SBF2: variants seen among roughly 807,000 people sequenced by gnomAD.
SBF2 encodes the protein myotubularin-related protein 13.
A neutral mutation model predicts 225.2 loss-of-function variants in SBF2; 112 were observed. That is an observed-to-expected ratio of 0.50 (90% CI 0.43 to 0.58). The LOEUF (loss-of-function observed/expected upper bound fraction) is 0.58, where lower values mean the gene tolerates loss of function less well. Among genes scored for constraint, SBF2 ranks in the 20% least tolerant of loss-of-function variants. The pLI, the probability that SBF2 is intolerant of heterozygous loss-of-function variation, is 0.00. For synonymous variants in SBF2, 763 were observed against 773.3 expected (o/e 0.99, Z 0.22); for missense variants, 1,996 against 2,206.2 (o/e 0.90, Z 1.91).
intron 16 of SBF2, among the ~76,000 whole-genome samples, chr11:9,904,579 T>A (rs528886042): frequency 6.6e-6 from 1 of 152,276 alleles, no homozygotes; most frequent in East Asian, 1.9e-4. Context: ...TATTGAAGAT[T>A]AAAAGAAATA....
At chr11:10,174,257 C>T (rs1216626437) in intron 2 of SBF2, among the ~76,000 whole-genome samples, 4 of 152,098 alleles carry the variant, frequency 2.6e-5, no homozygotes, top group African/African-American at 9.7e-5. Flanking sequence ...AAGTTGAAAA[C>T]TGTGAAAAAA....
chr11:10,266,440 C>T (rs781477643), intron 1 of SBF2, among the ~76,000 whole-genome samples: 17 of 152,142 alleles, frequency 1.1e-4, no homozygotes, highest in African/African-American at 3.9e-4. Flanking sequence ...AGGCTAGATA[C>T]GGGTAAATGC....
At chr11:9,955,102 G>A (rs563630385) in intron 16 of SBF2, among the ~76,000 whole-genome samples, 3 of 151,892 alleles carry the variant, frequency 2.0e-5, no homozygotes, top group South Asian at 4.2e-4. Context: ...AAAAACTGAG[G>A]ACTTTTTTCA....
At chr11:9,888,572 T>G (rs958371348) in intron 17 of SBF2, among the ~76,000 whole-genome samples, 1 of 151,666 alleles carries the variant, frequency 6.6e-6, no homozygotes, top group Non-Finnish European at 1.5e-5. Flanking sequence ...GATTAAAGGG[T>G]AAACCATAAC....
At chr11:9,845,814 A>G (rs1437352780) in intron 23 of SBF2, 74 bp from the exon 24 acceptor site, 2 of 1,390,250 alleles carry the variant, frequency 1.4e-6, no homozygotes, top group Non-Finnish European at 2.0e-6. Flanking sequence ...ACAACAGAAT[A>G]TAATAACACA....
At chr11:10,263,375 G>C (rs1471936175) in intron 1 of SBF2, among the ~76,000 whole-genome samples, 1 of 151,916 alleles carries the variant, frequency 6.6e-6, no homozygotes, top group Non-Finnish European at 1.5e-5. Flanking sequence ...CATAATGCTG[G>C]AAGAAACCAC....
intron 32 of SBF2, among the ~76,000 whole-genome samples, chr11:9,800,642 C>T (rs972690221): frequency 6.6e-6 from 1 of 152,096 alleles, no homozygotes; most frequent in Non-Finnish European, 1.5e-5. Flanking sequence ...CTCCTGACCT[C>T]GTGATCTGCC....
rs1456541370 is a variant in SBF2 at position 10,031,180 on chromosome 11, G to A, written c.280-10C>T. On this transcript the variant is annotated splice_polypyrimidine_tract_variant and intron_variant, in intron 3 of 39. Transcript: ENST00000256190. Reference sequence around the variant, plus strand: ...CTTCCTTCTTTGTTCCCTAGAAAAAGAGACACTGAAATCAACAAACAGAAG... The same window carrying A: ...CTTCCTTCTTTGTTCCCTAGAAAAAAAGACACTGAAATCAACAAACAGAAG... 4 of 1,612,756 alleles carry A rather than the reference G, an allele frequency of 2.5e-6. No homozygotes were observed. The South Asian group carries it at 3.3e-5, about 13-fold the overall frequency.
At chr11:10,002,007 A>G (rs1230334082) in intron 7 of SBF2, among the ~76,000 whole-genome samples, 1 of 152,104 alleles carries the variant, frequency 6.6e-6, no homozygotes, top group Non-Finnish European at 1.5e-5. Flanking sequence ...TTATTAGGAA[A>G]AAAATTTTAA....
chr11:10,175,159 C>A (rs1591136938), intron 2 of SBF2, among the ~76,000 whole-genome samples: 1 of 149,116 alleles, frequency 6.7e-6, no homozygotes, highest in Non-Finnish European at 1.5e-5. Flanking sequence ...TCACACATAA[C>A]AATATTAACT....
intron 17 of SBF2, among the ~76,000 whole-genome samples, chr11:9,869,884 AT>A (rs1398784461): frequency 6.6e-6 from 1 of 152,216 alleles, no homozygotes; most frequent in East Asian, 1.9e-4. Flanking sequence ...AATAAAGAGT[AT>A]TCAAATAGAA....
chr11:10,113,779 G>A (rs564760233), intron 2 of SBF2, among the ~76,000 whole-genome samples: 33 of 147,596 alleles, frequency 2.2e-4, no homozygotes, highest in African/African-American at 8.0e-4. Context: ...TGAGACTGGT[G>A]TTTCTCTTAC....
chr11:9,881,362 T>C (rs565047025), intron 17 of SBF2, among the ~76,000 whole-genome samples: 1 of 152,254 alleles, frequency 6.6e-6, no homozygotes, highest in East Asian at 1.9e-4. Context: ...CTATCACATA[T>C]GAGGCTCAAA....
intron 21 of SBF2, among the ~76,000 whole-genome samples, chr11:9,851,715 T>C (rs1317710306): frequency 6.6e-6 from 1 of 152,342 alleles, no homozygotes; most frequent in East Asian, 1.9e-4. Flanking sequence ...GATAGAATTA[T>C]ATTCCTACCT....
At chr11:10,005,238 A>C (rs568056774) in intron 6 of SBF2, among the ~76,000 whole-genome samples, 1 of 152,162 alleles carries the variant, frequency 6.6e-6, no homozygotes. Context: ...TAACTGGTAT[A>C]TGACCCTCTA....
At chr11:10,230,719 C>G (rs571330560) in intron 1 of SBF2, among the ~76,000 whole-genome samples, 4 of 152,282 alleles carry the variant, frequency 2.6e-5, no homozygotes, top group East Asian at 1.9e-4. Context: ...GGTAACCCGA[C>G]CTTTCTCTCT....
At chr11:9,915,250 G>A (rs993517669) in intron 16 of SBF2, among the ~76,000 whole-genome samples, 2 of 151,922 alleles carry the variant, frequency 1.3e-5, no homozygotes, top group East Asian at 1.9e-4. Context: ...AGATTGAGAC[G>A]GTCCTGGCCA....
At chr11:10,008,077 GCT>G (rs1948276915) in intron 6 of SBF2, among the ~76,000 whole-genome samples, 1 of 152,184 alleles carries the variant, frequency 6.6e-6, no homozygotes, top group Non-Finnish European at 1.5e-5. Flanking sequence ...GACCCGGGTG[GCT>G]ACCCTGTAGG....
intron 15 of SBF2, among the ~76,000 whole-genome samples, chr11:9,963,061 A>G (rs771028377): frequency 6.6e-6 from 1 of 152,242 alleles, no homozygotes; most frequent in East Asian, 1.9e-4. Context: ...TTCATTGAAG[A>G]AGGCAAGAAA....
Sources: gnomAD v4.1 joint callset for allele counts (sites outside exome capture counted in the v4.1 genomes callset) on GRCh38, gnomAD v4.1.1 for gene constraint, MANE v1.5 for transcripts, NCBI Gene and HGNC (gene_info 2026-07-23, HGNC 2026-07-21) for gene names.